The following KCTD16 variants were observed in gnomAD, a reference collection of about 807,000 sequenced individuals.
KCTD16 encodes the protein potassium channel tetramerization domain containing 16.
A neutral mutation model predicts 33.2 loss-of-function variants in KCTD16; 13 were observed. That is an observed-to-expected ratio of 0.39 (90% CI 0.25 to 0.62). KCTD16 has a LOEUF of 0.62. Ranked by LOEUF, KCTD16 falls within the 20% of genes least tolerant of loss-of-function variation. The pLI, the probability that KCTD16 is intolerant of heterozygous loss-of-function variation, is 0.50. For synonymous variants in KCTD16, 197 were observed against 195.3 expected, an observed-to-expected ratio of 1.01 and a Z score of -0.07; for missense variants, 441 against 525.1, an observed-to-expected ratio of 0.84 and a Z score of 1.57.
chr5:144,284,352 C>G (rs1413676516), intron 3 of KCTD16, among the ~76,000 whole-genome samples: 1 of 152,164 alleles, frequency 6.6e-6, no homozygotes. Context: ...AAGAGCTATC[C>G]ACTATGTAGG....
intron 2 of KCTD16, among the ~76,000 whole-genome samples, chr5:144,200,354 T>G (rs1753020218): frequency 6.6e-6 from 1 of 152,178 alleles, no homozygotes; most frequent in Non-Finnish European, 1.5e-5. Context: ...GCTATGAAGC[T>G]TTTATCTGAA....
rs1222134348 is a variant in KCTD16 at position 144,228,445 on chromosome 5, T to G, written c.832+20899T>G. 2.6e-5 allele frequency among the ~76,000 whole-genome samples: 4 copies of G among 152,226 alleles called. No homozygotes were observed. In the East Asian group the frequency reaches 7.7e-4, roughly 29 times the overall value. Reference sequence around the variant, plus strand: ...ATTGATAACTTTGACAGCAGCAGTTTCGATGAACTGCTGAGGGCAAAAGCC... The same window carrying G: ...ATTGATAACTTTGACAGCAGCAGTTGCGATGAACTGCTGAGGGCAAAAGCC... On this transcript the variant is annotated intron_variant, in intron 3 of 3. Coordinates refer to ENST00000512467, the MANE Select transcript of KCTD16 (RefSeq NM_020768.4).
intron 3 of KCTD16, among the ~76,000 whole-genome samples, chr5:144,278,722 C>T (rs554293089): frequency 3.3e-5 from 5 of 151,966 alleles, no homozygotes; most frequent in Non-Finnish European, 5.9e-5. Flanking sequence ...TGGTCTCGAT[C>T]TCCTGACCTC....
At chr5:144,280,342 G>A (rs1350352476) in intron 3 of KCTD16, among the ~76,000 whole-genome samples, 1 of 151,526 alleles carries the variant, frequency 6.6e-6, no homozygotes, top group Non-Finnish European at 1.5e-5. Flanking sequence ...ATAAATTAAA[G>A]TTTTTTTTTA....
At chr5:144,318,635 C>T (rs1010132714) in intron 3 of KCTD16, among the ~76,000 whole-genome samples, 4 of 152,162 alleles carry the variant, frequency 2.6e-5, no homozygotes, top group African/African-American at 9.7e-5. Flanking sequence ...GGTCAGCTTT[C>T]GTCAGGCCAT....
chr5:144,399,855 T>C (rs7721073), intron 3 of KCTD16, among the ~76,000 whole-genome samples: 1 of 152,218 alleles, frequency 6.6e-6, no homozygotes, highest in African/African-American at 2.4e-5. Context: ...CTATCTCTGA[T>C]AGCAGAGAAG....
chr5:144,352,296 G>A lies in KCTD16; in HGVS notation c.833-121364G>A, dbSNP rs62401760. On this transcript the variant is annotated intron_variant, in intron 3 of 3. Transcript: ENST00000512467. Reference sequence around the variant, plus strand: ...GACTGGTACCAAGGATAAGAGAAGGGAATAAGGGCAGACATATGAAGAAAC... The same window carrying A: ...GACTGGTACCAAGGATAAGAGAAGGAAATAAGGGCAGACATATGAAGAAAC... Among the ~76,000 whole-genome samples, 630 of 152,288 alleles carry A rather than the reference G, an allele frequency of 4.1e-3. 2 individuals carry two copies. Among genetic ancestry groups the A allele is most frequent in the Middle Eastern group, 0.027 (8 of 294 alleles).
intron 3 of KCTD16, among the ~76,000 whole-genome samples, chr5:144,453,878 G>A (rs1027193715): frequency 1.3e-5 from 2 of 152,108 alleles, no homozygotes; most frequent in Non-Finnish European, 2.9e-5. Context: ...CCAACCCTTT[G>A]TAATAGTTAA....
intron 3 of KCTD16, among the ~76,000 whole-genome samples, chr5:144,453,379 C>T (rs544088217): frequency 5.9e-5 from 9 of 152,092 alleles, no homozygotes; most frequent in African/African-American, 1.7e-4. Context: ...ATCTTGATGC[C>T]GAAGAGAAGC....
chr5:144,374,028 T>C (rs994483843), intron 3 of KCTD16, among the ~76,000 whole-genome samples: 4 of 152,224 alleles, frequency 2.6e-5, no homozygotes, highest in Non-Finnish European at 5.9e-5. Context: ...TGCCTCTATG[T>C]ACAGACCATT....
intron 3 of KCTD16, among the ~76,000 whole-genome samples, chr5:144,286,270 C>T (rs1467620199): frequency 1.3e-5 from 2 of 151,592 alleles, no homozygotes; most frequent in African/African-American, 4.8e-5. Flanking sequence ...TTTTTTTTCT[C>T]CAACTTAGTG....
At chr5:144,291,596 G>T (rs1266864255) in intron 3 of KCTD16, among the ~76,000 whole-genome samples, 1 of 152,066 alleles carries the variant, frequency 6.6e-6, no homozygotes, top group Non-Finnish European at 1.5e-5. Context: ...TTATTGAGTT[G>T]CATTGAGGAC....
chr5:144,325,831 C>G (rs945183903), intron 3 of KCTD16, among the ~76,000 whole-genome samples: 8 of 152,082 alleles, frequency 5.3e-5, no homozygotes, highest in Admixed American at 5.2e-4. Context: ...TAGGAACTGC[C>G]CCTGTGCACT....
chr5:144,466,981 T>A (rs1754347320), intron 3 of KCTD16, among the ~76,000 whole-genome samples: 1 of 128,348 alleles, frequency 7.8e-6, no homozygotes, highest in Non-Finnish European at 1.6e-5. Flanking sequence ...ATATAATATA[T>A]ATAACACTAT....
rs1222127060 is a variant in KCTD16, at chr5:144,484,159, T to A, written c.*10045T>A. 1 of 151,938 alleles carries A rather than the reference T, an allele frequency of 6.6e-6. No homozygotes were observed. Among genetic ancestry groups the A allele is most frequent in the African/African-American group, 2.4e-5 (1 of 41,424 alleles). 9.4% of individuals were successfully genotyped at this position (151,938 alleles called of 1,614,324 possible). ...GGACAAACTAATGTATTTTTGTAAA[T>A]CATGGGTGGCGGATGTCAAAATCTC... On this transcript the variant is annotated 3_prime_UTR_variant, in exon 4 of 4. Transcript: ENST00000512467.
At chr5:144,424,050 CTAGA>C (rs1406746910) in intron 3 of KCTD16, among the ~76,000 whole-genome samples, 1 of 152,088 alleles carries the variant, frequency 6.6e-6, no homozygotes. Context: ...GTATGAAAGG[CTAGA>C]TAAAGTTTAA....
intron 3 of KCTD16, among the ~76,000 whole-genome samples, chr5:144,392,219 A>C (rs1043150981): frequency 6.6e-6 from 1 of 152,178 alleles, no homozygotes; most frequent in Admixed American, 6.5e-5. Flanking sequence ...GGAGCAATGC[A>C]GGGGGAAAAG....
intron 3 of KCTD16, among the ~76,000 whole-genome samples, chr5:144,302,228 T>G (rs963083368): frequency 6.6e-6 from 1 of 152,194 alleles, no homozygotes. Context: ...TGGTCAAGTG[T>G]CTTCAAGCTT....
At chr5:144,263,786 T>C (rs1252881696) in intron 3 of KCTD16, among the ~76,000 whole-genome samples, 1 of 152,288 alleles carries the variant, frequency 6.6e-6, no homozygotes, top group East Asian at 1.9e-4. Flanking sequence ...AAACAGACAT[T>C]TATTTCCCAC....
Sources: allele counts gnomAD v4.1 joint callset (sites outside exome capture counted in the v4.1 genomes callset), GRCh38; gene constraint gnomAD v4.1.1; transcripts MANE v1.5; gene names NCBI Gene and HGNC (gene_info 2026-07-23, HGNC 2026-07-21).